SEMA6A: variants seen among roughly 807,000 people sequenced by gnomAD.
The protein encoded by SEMA6A is semaphorin-6A.
A neutral mutation model predicts 96.8 loss-of-function variants in SEMA6A; 25 were observed. That is an observed-to-expected ratio of 0.26 (90% CI 0.19 to 0.36). SEMA6A has a LOEUF of 0.36. Among genes scored for constraint, SEMA6A ranks in the 10% least tolerant of loss-of-function variants. SEMA6A has a pLI of 1.00. For missense variants in SEMA6A, 1,363 were observed against 1,323.1 expected (o/e 1.03, Z -0.47); for synonymous variants, 612 against 518.0 (o/e 1.18, Z -2.46).
chr5:116,500,169 A>G (rs1253048657), intron 3 of SEMA6A, among the ~76,000 whole-genome samples: 1 of 152,198 alleles, frequency 6.6e-6, no homozygotes, highest in East Asian at 1.9e-4. Flanking sequence ...AATGCTTTAT[A>G]ATGGCTACTC....
chr5:116,568,821 TACACACAC>T (rs10531207), intron 1 of SEMA6A, among the ~76,000 whole-genome samples: 106 of 150,750 alleles, frequency 7.0e-4, no homozygotes, highest in Admixed American at 1.4e-3. Flanking sequence ...TGGAAGATTG[TACACACAC>T]ACACACACAC....
intron 16 of SEMA6A, among the ~76,000 whole-genome samples, chr5:116,474,548 A>AT (rs1429386381): frequency 6.6e-6 from 1 of 152,222 alleles, no homozygotes. Flanking sequence ...TATGGCAAAG[A>AT]TTTGGAGATA....
At chr5:116,573,878 A>C (rs913008866) in intron 1 of SEMA6A, among the ~76,000 whole-genome samples, 79 of 150,064 alleles carry the variant, frequency 5.3e-4, no homozygotes, top group Admixed American at 1.3e-3. Context: ...TCGCACACAC[A>C]CCCCCAGGAG....
chr5:116,477,561 C>T (rs1756516740), intron 15 of SEMA6A, among the ~76,000 whole-genome samples: 1 of 152,212 alleles, frequency 6.6e-6, no homozygotes, highest in Non-Finnish European at 1.5e-5. Flanking sequence ...ATGATCAAGG[C>T]AGGCACCTTC....
At position 116,447,666 on chromosome 5, in the gene SEMA6A, G is replaced by C; in HGVS notation, c.2040C>G (p.Asp680Glu). The change falls in exon 19 of 19, where the codon GAC (aspartate) becomes GAG (glutamate). Residue 680 changes from aspartate (D) to glutamate (E), a missense_variant. Coordinates refer to ENST00000343348, the MANE Select transcript of SEMA6A (RefSeq NM_020796.5). ...VYCVCDHRRK[D>E]VAVVQRKEKE... ...TCTCCTTGCGCTGCACCACAGCCAC[G>C]TCTTTGCGCCGATGATCACAGACGC... 1 of 1,614,008 alleles carries C rather than the reference G, an allele frequency of 6.2e-7. No homozygotes were observed. The highest frequency in any genetic ancestry group is 8.5e-7 in the Non-Finnish European group (1 of 1,179,884).
At chr5:116,540,079 C>A (rs993322197) in intron 1 of SEMA6A, among the ~76,000 whole-genome samples, 1 of 152,048 alleles carries the variant, frequency 6.6e-6, no homozygotes, top group Non-Finnish European at 1.5e-5. Flanking sequence ...TACAAAACCC[C>A]TTTTCTTCCA....
intron 1 of SEMA6A, among the ~76,000 whole-genome samples, chr5:116,532,300 G>T (rs938961652): frequency 6.6e-6 from 1 of 152,146 alleles, no homozygotes. Context: ...GCAACTGGGG[G>T]CCTTCGGTAT....
At chr5:116,469,829 T>C (rs1199897345) in intron 17 of SEMA6A, among the ~76,000 whole-genome samples, 1 of 152,234 alleles carries the variant, frequency 6.6e-6, no homozygotes, top group Non-Finnish European at 1.5e-5. Flanking sequence ...TGGAAAGCTA[T>C]GGCTATGAGA....
chr5:116,466,516 GAGC>G (rs1228050461), intron 18 of SEMA6A, among the ~76,000 whole-genome samples: 1 of 152,114 alleles, frequency 6.6e-6, no homozygotes, highest in Non-Finnish European at 1.5e-5. Context: ...TTGGCAAATA[GAGC>G]AGCAGAGTGC....
At chr5:116,505,459 G>GCACA (rs35083865) in intron 1 of SEMA6A, among the ~76,000 whole-genome samples, 4 of 127,916 alleles carry the variant, frequency 3.1e-5, no homozygotes, top group South Asian at 2.4e-4. Flanking sequence ...ACACGCACGC[G>GCACA]CACACACACA....
chr5:116,456,401 A>C (rs1755012812), intron 18 of SEMA6A, among the ~76,000 whole-genome samples: 1 of 152,172 alleles, frequency 6.6e-6, no homozygotes, highest in Non-Finnish European at 1.5e-5. Context: ...TCATTGGATA[A>C]TTTCTTTACT....
intron 1 of SEMA6A, among the ~76,000 whole-genome samples, chr5:116,544,251 T>C (rs1309416428): frequency 1.1e-4 from 16 of 152,110 alleles, no homozygotes; most frequent in Admixed American, 8.5e-4. Flanking sequence ...AGAGGTCTCC[T>C]GAGGTCTCCC....
intron 1 of SEMA6A, among the ~76,000 whole-genome samples, chr5:116,521,658 C>T (rs544216531): frequency 6.6e-6 from 1 of 151,710 alleles, no homozygotes; most frequent in South Asian, 2.1e-4. Context: ...TTGAGCCAAT[C>T]CATCTGGGGA....
At chr5:116,542,887 C>G (rs1406373109) in intron 1 of SEMA6A, among the ~76,000 whole-genome samples, 1 of 152,164 alleles carries the variant, frequency 6.6e-6, no homozygotes, top group Non-Finnish European at 1.5e-5. Flanking sequence ...ATTCCAGAGG[C>G]TGCTACTTCA....
At chr5:116,556,600 C>T (rs1760616883) in intron 1 of SEMA6A, among the ~76,000 whole-genome samples, 1 of 152,128 alleles carries the variant, frequency 6.6e-6, no homozygotes, top group Admixed American at 6.5e-5. Context: ...GTAATGTTCC[C>T]AAGATCTCAC....
rs1554079676 is a variant in SEMA6A at position 116,446,285 on chromosome 5, T to TGGGG, written c.*324_*327dup. On this transcript the variant is annotated 3_prime_UTR_variant, in exon 19 of 19. Transcript: ENST00000343348. Reference sequence around the variant, plus strand: ...GTGCATGTGTGTGTGTGTGTGTGTGTGGGGGTGGGGGATGGGGTAGGTATG... The same window carrying TGGGG: ...GTGCATGTGTGTGTGTGTGTGTGTGTGGGGGGGGGTGGGGGATGGGGTAGGTATG... 6.9e-5 allele frequency: 11 copies of TGGGG among 158,380 alleles called. No individual in the cohort carries two copies. The highest frequency in any genetic ancestry group is 5.0e-4 in the African/African-American group (11 of 21,872). 9.8% of individuals were successfully genotyped at this position (158,380 alleles called of 1,614,324 possible).
intron 18 of SEMA6A, among the ~76,000 whole-genome samples, chr5:116,448,770 A>AAAC (rs1448497087): frequency 7.9e-5 from 12 of 151,628 alleles, no homozygotes; most frequent in Non-Finnish European, 1.8e-4. Context: ...AAAAAAAAAA[A>AAAC]AAAAAACAGT....
At chr5:116,472,661 A>T in intron 17 of SEMA6A, 1 of 479,640 alleles carries the variant, frequency 2.1e-6, no homozygotes, top group Non-Finnish European at 3.6e-6. Context: ...GGCATATTTC[A>T]TGTTATCTGG....
At chr5:116,499,088 G>A (rs991194329) in intron 3 of SEMA6A, 3 of 152,170 alleles carry the variant, frequency 2.0e-5, no homozygotes, top group East Asian at 1.9e-4. Flanking sequence ...CTTGGCTTGC[G>A]ATTGCTGACA....
Sources: gnomAD v4.1 joint callset for allele counts (sites outside exome capture counted in the v4.1 genomes callset) on GRCh38, gnomAD v4.1.1 for gene constraint, MANE v1.5 for transcripts, NCBI Gene and HGNC (gene_info 2026-07-23, HGNC 2026-07-21) for gene names.